CDC73: variants seen among roughly 807,000 people sequenced by gnomAD.
CDC73 encodes the protein cell division cycle 73, also known as parafibromin.
A neutral mutation model predicts 83.7 loss-of-function variants in CDC73; 21 were observed. The observed-to-expected ratio is 0.25, with a 90% CI of 0.18 to 0.36. The LOEUF (loss-of-function observed/expected upper bound fraction) is 0.36, where lower values mean the gene tolerates loss of function less well. Among genes scored for constraint, CDC73 ranks in the 10% least tolerant of loss-of-function variants. The pLI is 1.00. For missense variants in CDC73, 342 were observed against 653.3 expected (o/e 0.52, Z 5.19); for synonymous variants, 224 against 212.9 (o/e 1.05, Z -0.45).
At chr1:193,197,324 T>G (rs1677017961) in intron 10 of CDC73, among the ~76,000 whole-genome samples, 1 of 152,164 alleles carries the variant, frequency 6.6e-6, no homozygotes, top group Non-Finnish European at 1.5e-5. Flanking sequence ...TACTTTTAAT[T>G]TGCTGCTGAA....
intron 2 of CDC73, chr1:193,127,738 A>C (rs1181666949): frequency 6.6e-6 from 1 of 151,992 alleles, no homozygotes; most frequent in Non-Finnish European, 1.5e-5. Context: ...AGGATTCTAA[A>C]ATTCCAAAAT....
Position 193,251,102 on chromosome 1 carries a change from G to T in CDC73, c.*390G>T, listed in dbSNP as rs576486752. 1.9e-4 allele frequency: 51 copies of T among 269,314 alleles called. No individual in the cohort carries two copies. Among genetic ancestry groups the T allele is most frequent in the African/African-American group, 1.0e-3 (47 of 46,032 alleles). The allele number at this position is 269,314 out of a possible 1,614,324, so 16.7% of individuals were successfully genotyped here. On this transcript the variant is annotated 3_prime_UTR_variant, in exon 17 of 17. Transcript: ENST00000367435. Reference sequence around the variant, plus strand: ...CTTTTTACTGAAAATACTATGTTATGAATGGTATTAAATTTTAGTCTCTGG... The same window carrying T: ...CTTTTTACTGAAAATACTATGTTATTAATGGTATTAAATTTTAGTCTCTGG...
chr1:193,189,163 A>T (rs1676877780), intron 10 of CDC73, among the ~76,000 whole-genome samples: 1 of 152,158 alleles, frequency 6.6e-6, no homozygotes, highest in Non-Finnish European at 1.5e-5. Context: ...TATGTTGCCC[A>T]GGCCAGTCTC....
chr1:193,151,253 T>C (rs970750694), intron 9 of CDC73, among the ~76,000 whole-genome samples: 1 of 152,252 alleles, frequency 6.6e-6, no homozygotes, highest in Non-Finnish European at 1.5e-5. Context: ...TTAAATGATA[T>C]GTTGCCTTGA....
rs1678055557 is a variant in CDC73, at chr1:193,252,264, A to G, written c.*1552A>G. 1 of 230,652 alleles carries G rather than the reference A, an allele frequency of 4.3e-6. No individual in the cohort carries two copies. The highest frequency in any genetic ancestry group is 1.8e-4 in the South Asian group (1 of 5,494). The allele number at this position is 230,652 out of a possible 1,614,324, so 14.3% of individuals were successfully genotyped here. On this transcript the variant is annotated 3_prime_UTR_variant, in exon 17 of 17. Coordinates refer to ENST00000367435, the MANE Select transcript of CDC73 (RefSeq NM_024529.5). Reference sequence around the variant, plus strand: ...CCCTTTTTAGCGTCTTCTTTCCTTAAAGATAAAAGAAAACTCAAATTTGTT... The same window carrying G: ...CCCTTTTTAGCGTCTTCTTTCCTTAGAGATAAAAGAAAACTCAAATTTGTT...
At chr1:193,144,078 C>G (rs1675952081) in intron 7 of CDC73, among the ~76,000 whole-genome samples, 1 of 117,304 alleles carries the variant, frequency 8.5e-6, no homozygotes. Flanking sequence ...CCATTGCACT[C>G]TAGCCTGGGT....
Position 193,249,844 on chromosome 1 carries a change from T to C in CDC73, c.1532T>C (p.Phe511Ser). 6.2e-7 allele frequency: 1 copy of C among 1,612,616 alleles called. No homozygotes were observed. The highest frequency in any genetic ancestry group is 8.5e-7 in the Non-Finnish European group (1 of 1,178,882). Residue 511 changes from phenylalanine (F) to serine (S), a missense_variant, in exon 16 of 17, where the codon TTC becomes TCC. Around this residue, in one of 3 missense-constraint regions of CDC73, gnomAD observed 239 missense variants for 420.6 expected, o/e 0.57. Coordinates refer to ENST00000367435, the MANE Select transcript of CDC73 (RefSeq NM_024529.5). ...AAACGTCATTTGGATAGACCAGTGTTCTTACGGTTTTGGGAAACATTGGAC... is the reference window on the plus strand; with the variant it reads ...AAACGTCATTTGGATAGACCAGTGTCCTTACGGTTTTGGGAAACATTGGAC... ...YHKRHLDRPV[F>S]LRFWETLDRY...
intron 16 of CDC73, 61 bp from the exon 17 acceptor site, chr1:193,250,615 A>G (rs576250007): frequency 8.2e-7 from 1 of 1,219,270 alleles, no homozygotes; most frequent in South Asian, 1.3e-5. Context: ...TTTTACATGC[A>G]TTATTCTAAA....
At chr1:193,156,313 TAGTG>T (rs953059076) in intron 10 of CDC73, among the ~76,000 whole-genome samples, 3 of 152,178 alleles carry the variant, frequency 2.0e-5, no homozygotes, top group East Asian at 1.9e-4. Flanking sequence ...TATTTGTTCT[TAGTG>T]AGTATCATTG....
intron 14 of CDC73, among the ~76,000 whole-genome samples, chr1:193,233,495 T>C (rs1326608524): frequency 6.6e-6 from 1 of 152,284 alleles, no homozygotes; most frequent in Non-Finnish European, 1.5e-5. Flanking sequence ...ATATTTACTT[T>C]GGTCATCAAT....
chr1:193,137,442 T>C (rs559628737), intron 5 of CDC73, among the ~76,000 whole-genome samples: 7 of 152,310 alleles, frequency 4.6e-5, no homozygotes, highest in African/African-American at 1.7e-4. Flanking sequence ...TTAAACTGGA[T>C]CAGGGTTACC....
chr1:193,133,193 G>A (rs886252059), intron 3 of CDC73, among the ~76,000 whole-genome samples: 17 of 152,222 alleles, frequency 1.1e-4, no homozygotes, highest in African/African-American at 4.1e-4. Flanking sequence ...GAGCCACCGC[G>A]CCTGGCAGTT....
chr1:193,150,280 A>T, intron 8 of CDC73, 24 bp from the exon 9 acceptor site: 163 of 1,019,788 alleles, frequency 1.6e-4, no homozygotes, highest in Non-Finnish European at 2.3e-4. Context: ...ATTAACAAGT[A>T]ACTCATAATT....
intron 14 of CDC73, among the ~76,000 whole-genome samples, chr1:193,235,050 AGTC>A (rs1349915855): frequency 1.3e-5 from 2 of 152,104 alleles, no homozygotes; most frequent in African/African-American, 4.8e-5. Flanking sequence ...GTATGTCTGC[AGTC>A]GTCATTAATT....
In CDC73 at chr1:193,236,251, T is replaced by C; in HGVS notation, c.1317-5T>C. ...ACCTCCCCCCACCCACTTTTCTACTTGTAGGGACCGCGTTGTAGCCGTTTT... is the reference window on the plus strand; with the variant it reads ...ACCTCCCCCCACCCACTTTTCTACTCGTAGGGACCGCGTTGTAGCCGTTTT... On this transcript the variant is annotated splice_region_variant and splice_polypyrimidine_tract_variant and intron_variant, in intron 14 of 16. Transcript: ENST00000367435. 1.2e-6 allele frequency: 2 copies of C among 1,608,250 alleles called. No individual in the cohort carries two copies. The highest frequency in any genetic ancestry group is 4.5e-5 in the East Asian group (2 of 44,844).
At chr1:193,212,709 A>G (rs552206909) in intron 13 of CDC73, among the ~76,000 whole-genome samples, 1 of 152,318 alleles carries the variant, frequency 6.6e-6, no homozygotes, top group Non-Finnish European at 1.5e-5. Flanking sequence ...GAAAAAAGGT[A>G]CTATCGTATT....
At chr1:193,164,207 A>G (rs1676393332) in intron 10 of CDC73, among the ~76,000 whole-genome samples, 1 of 152,260 alleles carries the variant, frequency 6.6e-6, no homozygotes, top group African/African-American at 2.4e-5. Flanking sequence ...AAGTGACTGA[A>G]TAATTTCAGT....
At chr1:193,239,229 C>T (rs1677817125) in intron 15 of CDC73, among the ~76,000 whole-genome samples, 1 of 152,084 alleles carries the variant, frequency 6.6e-6, no homozygotes, top group Non-Finnish European at 1.5e-5. Context: ...TTCTTATTAT[C>T]TGTTAGTCCT....
chr1:193,189,032 C>G (rs1410203698), intron 10 of CDC73, among the ~76,000 whole-genome samples: 1 of 151,496 alleles, frequency 6.6e-6, no homozygotes, highest in Non-Finnish European at 1.5e-5. Flanking sequence ...TGTCTCACTG[C>G]AACCTCTGCT....
Sources: gnomAD v4.1 joint callset for allele counts (sites outside exome capture counted in the v4.1 genomes callset) on GRCh38, gnomAD v4.1.1 for gene constraint, gnomAD v4.1.1 regional missense constraint, MANE v1.5 for transcripts, NCBI Gene and HGNC (gene_info 2026-07-23, HGNC 2026-07-21) for gene names.